Variants in OPRD1 observed in about 807,000 individuals in gnomAD.
OPRD1 encodes delta-type opioid receptor.
A neutral mutation model predicts 17.5 loss-of-function variants in OPRD1; 19 were observed. The observed-to-expected ratio is 1.09, with a 90% confidence interval of 0.76 to 1.60. The LOEUF (loss-of-function observed/expected upper bound fraction) is 1.60, where lower values mean the gene tolerates loss of function less well. Ranked by LOEUF, OPRD1 falls within the 40% of genes most tolerant of loss-of-function variation. The pLI is 0.00. For missense variants in OPRD1, 483 were observed against 547.2 expected (o/e 0.88, Z 1.17); for synonymous variants, 256 against 240.9 (o/e 1.06, Z -0.58).
chr1:28,837,172 C>G (rs1260738675), intron 1 of OPRD1, among the ~76,000 whole-genome samples: 2 of 152,140 alleles, frequency 1.3e-5, no homozygotes, highest in Admixed American at 1.3e-4. Flanking sequence ...ACCTAGATCC[C>G]TTGCATATGT....
At chr1:28,814,980 C>T (rs1008829645) in intron 1 of OPRD1, among the ~76,000 whole-genome samples, 1 of 152,150 alleles carries the variant, frequency 6.6e-6, no homozygotes, top group African/African-American at 2.4e-5. Flanking sequence ...GTGACTTGTT[C>T]TCGGAGGGTA....
intron 1 of OPRD1, among the ~76,000 whole-genome samples, chr1:28,825,402 T>C (rs1205668765): frequency 6.6e-6 from 1 of 152,222 alleles, no homozygotes; most frequent in African/African-American, 2.4e-5. Context: ...GTTCTTTTTT[T>C]TGAGACAGAG....
Position 28,863,279 on chromosome 1 carries a change from C to T in OPRD1, c.1115C>T (p.Ala372Val), listed in dbSNP as rs940238521. The T allele has an allele frequency of 1.4e-6, 2 of 1,433,364 alleles. No homozygotes were observed. The highest frequency in any genetic ancestry group is 1.8e-6 in the Non-Finnish European group (2 of 1,104,802). The allele number at this position is 1,433,364 out of a possible 1,614,324, so 88.8% of individuals were successfully genotyped here. A position where few individuals can be genotyped will look rare whatever the true frequency, so the allele number is the denominator to read the frequency against. ...PSDGPGGGAA[A>V] ...GATGGTCCCGGCGGTGGCGCTGCCG[C>T]CTGACCAGGCCATCCGGCCCCCAGA... is the stretch of plus-strand genomic sequence containing the variant. The change falls in exon 3 of 3, where the codon GCC becomes GTC. Residue 372 changes from alanine to valine, a missense_variant. By Grantham distance (64) the Ala-to-Val change is moderately conservative. Coordinates refer to ENST00000234961, the MANE Select transcript of OPRD1 (RefSeq NM_000911.4).
At position 28,859,210 on chromosome 1, in the gene OPRD1, C is replaced by T; in HGVS notation, c.484C>T (p.Pro162Ser). ...HPVKALDFRTPAKAKLINICI... is the reference protein window; with the variant it reads ...HPVKALDFRTSAKAKLINICI... Reference sequence around the variant, plus strand: ...TGTCAAGGCCCTGGACTTCCGCACGCCTGCCAAGGCCAAGCTGATCAACAT... The same window carrying T: ...TGTCAAGGCCCTGGACTTCCGCACGTCTGCCAAGGCCAAGCTGATCAACAT... The change falls in exon 2 of 3, where the codon CCT becomes TCT. Residue 162 changes from proline to serine, a missense_variant. Transcript: ENST00000234961. 1 of 1,614,282 alleles carries T rather than the reference C, an allele frequency of 6.2e-7. No individual in the cohort carries two copies. Among genetic ancestry groups the T allele is most frequent in the Non-Finnish European group, 8.5e-7 (1 of 1,180,052 alleles).
At chr1:28,835,227 C>T (rs1015611642) in intron 1 of OPRD1, among the ~76,000 whole-genome samples, 3 of 152,200 alleles carry the variant, frequency 2.0e-5, no homozygotes, top group African/African-American at 7.2e-5. Context: ...CCAGCCACCC[C>T]TAAGCCAGAA....
chr1:28,850,724 A>G (rs758999904), intron 1 of OPRD1, among the ~76,000 whole-genome samples: 5 of 151,436 alleles, frequency 3.3e-5, no homozygotes, highest in African/African-American at 9.7e-5. Context: ...TTGAGGCTGC[A>G]GTGAGCTGTG....
intron 1 of OPRD1, among the ~76,000 whole-genome samples, chr1:28,812,873 C>T (rs1401896432): frequency 6.6e-6 from 1 of 152,138 alleles, no homozygotes; most frequent in Admixed American, 6.5e-5. Flanking sequence ...GTTGGCATCC[C>T]CTTGCTTCTT....
intron 1 of OPRD1, among the ~76,000 whole-genome samples, chr1:28,838,627 G>T (rs1463751304): frequency 1.3e-5 from 2 of 152,114 alleles, no homozygotes; most frequent in Non-Finnish European, 2.9e-5. Context: ...GGTACATTTT[G>T]GATCCATCTT....
At chr1:28,839,376 G>A (rs1297360130) in intron 1 of OPRD1, among the ~76,000 whole-genome samples, 1 of 152,188 alleles carries the variant, frequency 6.6e-6, no homozygotes, top group East Asian at 1.9e-4. Context: ...AATGATCCAA[G>A]ATGGGCTTGA....
At chr1:28,820,584 C>T (rs569856174) in intron 1 of OPRD1, among the ~76,000 whole-genome samples, 36 of 152,044 alleles carry the variant, frequency 2.4e-4, no homozygotes, top group Non-Finnish European at 4.7e-4. Context: ...CCTAACACTT[C>T]GGGAGGCAAA....
intron 1 of OPRD1, among the ~76,000 whole-genome samples, chr1:28,818,262 A>C (rs577013797): frequency 6.6e-6 from 1 of 152,280 alleles, no homozygotes; most frequent in South Asian, 2.1e-4. Context: ...GCATTTGCTG[A>C]TGCTGACCCA....
At chr1:28,835,110 G>A (rs917318284) in intron 1 of OPRD1, among the ~76,000 whole-genome samples, 7 of 152,282 alleles carry the variant, frequency 4.6e-5, no homozygotes, top group Admixed American at 4.6e-4. Context: ...CTAGGTGTTT[G>A]TACAAAGGAC....
chr1:28,833,160 C>G (rs540392713), intron 1 of OPRD1, among the ~76,000 whole-genome samples: 1 of 152,140 alleles, frequency 6.6e-6, no homozygotes, highest in African/African-American at 2.4e-5. Context: ...ATGTAATGTG[C>G]CCATTTTACA....
chr1:28,839,133 C>G (rs893870071), intron 1 of OPRD1, among the ~76,000 whole-genome samples: 14 of 152,184 alleles, frequency 9.2e-5, no homozygotes, highest in African/African-American at 3.1e-4. Context: ...AATGTATTCT[C>G]TCACAGTTCT....
chr1:28,826,417 G>A lies in OPRD1; in HGVS notation c.227+13807G>A, dbSNP rs1321988896. ...CATGCACCTGTAGTCCCAGCTACTC[G>A]GGAGGTTGAGATGGGTGGAGCCCAG... is the stretch of plus-strand genomic sequence containing the variant. On this transcript the variant is annotated intron_variant, in intron 1 of 2. Transcript: ENST00000234961. Among the ~76,000 whole-genome samples, 5 of 151,948 alleles carry A rather than the reference G, an allele frequency of 3.3e-5. No homozygotes were observed. In the East Asian group the frequency reaches 5.8e-4, roughly 18 times the overall value.
At chr1:28,862,368 G>A (rs191171663) in intron 2 of OPRD1, among the ~76,000 whole-genome samples, 2 of 152,162 alleles carry the variant, frequency 1.3e-5, no homozygotes, top group Non-Finnish European at 2.9e-5. Flanking sequence ...TGTCTTAGCA[G>A]TCCTGTCCCC....
rs11416681 is a variant in OPRD1 at position 28,822,648 on chromosome 1, A to ATT, written c.227+10050_227+10051dup. Among the ~76,000 whole-genome samples the ATT allele has an allele frequency of 2.6e-3, 379 of 145,978 alleles. 2 individuals carry two copies. The highest frequency in any genetic ancestry group is 7.7e-3 in the African/African-American group (305 of 39,724). ...TGGCATGTGCCACCATGCCCGGTTA[A>ATT]TTTTTTTTTTTTTGTATTTTTAATA... On this transcript the variant is annotated intron_variant, in intron 1 of 2. Coordinates refer to ENST00000234961, the MANE Select transcript of OPRD1 (RefSeq NM_000911.4).
At position 28,839,607 on chromosome 1, in the gene OPRD1, G is replaced by A. The variant is rs138019337; in HGVS notation, c.228-19347G>A. 8.4e-4 allele frequency among the ~76,000 whole-genome samples: 128 copies of A among 152,234 alleles called. 2 individuals carry two copies. The East Asian group carries it at 0.017, about 20-fold the overall frequency. ...AGGGTCAGTGCGACTGGGTGTAGAC[G>A]TTCTCACCTTGTTGCTGTTGTTGTT... is the stretch of plus-strand genomic sequence containing the variant. On this transcript the variant is annotated intron_variant, in intron 1 of 2. Coordinates refer to ENST00000234961, the MANE Select transcript of OPRD1 (RefSeq NM_000911.4).
chr1:28,856,383 T>C (rs1229514346), intron 1 of OPRD1, among the ~76,000 whole-genome samples: 1 of 152,204 alleles, frequency 6.6e-6, no homozygotes, highest in Non-Finnish European at 1.5e-5. Context: ...CGCTCAGATC[T>C]GAGGTGCAGT....
Sources: gnomAD v4.1 joint callset for allele counts (sites outside exome capture counted in the v4.1 genomes callset) on GRCh38, gnomAD v4.1.1 for gene constraint, MANE v1.5 for transcripts, NCBI Gene and HGNC (gene_info 2026-07-23, HGNC 2026-07-21) for gene names.